MYCBP2: variants seen among roughly 807,000 people sequenced by gnomAD.
MYCBP2 encodes the protein MYC binding protein 2.
A neutral mutation model predicts 525.3 loss-of-function variants in MYCBP2; 120 were observed. The ratio of observed to expected loss-of-function variants is 0.23; its 90% CI spans 0.20 to 0.27. The LOEUF (loss-of-function observed/expected upper bound fraction) is 0.27, where lower values mean the gene tolerates loss of function less well. Among genes scored for constraint, MYCBP2 ranks in the 10% least tolerant of loss-of-function variants. MYCBP2 has a pLI of 1.00. For synonymous variants in MYCBP2, 1,894 were observed against 1,955.8 expected (o/e 0.97, Z 0.83); for missense variants, 4,149 against 5,657.1 (o/e 0.73, Z 8.55).
chr13:77,116,068 G>A (rs2049698565), intron 55 of MYCBP2, among the ~76,000 whole-genome samples: 2 of 151,704 alleles, frequency 1.3e-5, no homozygotes, highest in Non-Finnish European at 3.0e-5. Context: ...TGTTTCTGGG[G>A]CAAATCATTT....
intron 78 of MYCBP2, 42 bp from the exon 79 acceptor site, chr13:77,057,135 T>A (rs367907213): frequency 6.4e-5 from 88 of 1,368,592 alleles, no homozygotes; most frequent in East Asian, 4.6e-5. Context: ...AATATAATAA[T>A]GATAAACAGT....
At chr13:77,171,079 T>C (rs893941200) in intron 38 of MYCBP2, among the ~76,000 whole-genome samples, 4 of 152,024 alleles carry the variant, frequency 2.6e-5, no homozygotes, top group African/African-American at 7.3e-5. Context: ...GAGATTCCAA[T>C]GGAAAAACTC....
At chr13:77,211,725 C>G (rs2064037866) in intron 22 of MYCBP2, among the ~76,000 whole-genome samples, 1 of 152,198 alleles carries the variant, frequency 6.6e-6, no homozygotes, top group Admixed American at 6.5e-5. Context: ...GTTTATAGTT[C>G]TACCACTGTC....
intron 14 of MYCBP2, among the ~76,000 whole-genome samples, chr13:77,253,995 T>C (rs561156689): frequency 6.6e-6 from 1 of 151,876 alleles, no homozygotes; most frequent in Non-Finnish European, 1.5e-5. Flanking sequence ...AGCCCATCCA[T>C]CAACAGGAGA....
At chr13:77,297,688 T>C (rs1182058571) in intron 1 of MYCBP2, among the ~76,000 whole-genome samples, 1 of 152,174 alleles carries the variant, frequency 6.6e-6, no homozygotes, top group Non-Finnish European at 1.5e-5. Flanking sequence ...ATTTTGAAGA[T>C]GTGTAACTTC....
chr13:77,177,975 T>C lies in MYCBP2; in HGVS notation c.5134-21A>G, dbSNP rs768101323. 3.4e-6 allele frequency: 5 copies of C among 1,451,494 alleles called. No individual in the cohort carries two copies. The Admixed American group carries it at 6.7e-5, about 19-fold the overall frequency. The allele number at this position is 1,451,494 out of a possible 1,614,324, so 89.9% of individuals were successfully genotyped here. A position where few individuals can be genotyped will look rare whatever the true frequency, so the allele number is the denominator to read the frequency against. On this transcript the variant is annotated intron_variant, in intron 34 of 82. Coordinates refer to ENST00000544440, the MANE Select transcript of MYCBP2 (RefSeq NM_015057.5). ...TCAACCTGTGAACAATAAAAGCAAT[T>C]GTATCAGTAGTTGGTATACCTTTAA...
chr13:77,256,864 A>C (rs1399032722), intron 14 of MYCBP2, among the ~76,000 whole-genome samples: 1 of 152,156 alleles, frequency 6.6e-6, no homozygotes, highest in East Asian at 1.9e-4. Context: ...AATATGATCC[A>C]ACAATCCCAC....
At chr13:77,288,641 A>G (rs2077142166) in intron 2 of MYCBP2, among the ~76,000 whole-genome samples, 1 of 152,226 alleles carries the variant, frequency 6.6e-6, no homozygotes, top group South Asian at 2.1e-4. Context: ...TTGTATCGCC[A>G]TGACAGGAAT....
At chr13:77,160,133 C>G (rs2057723632) in intron 44 of MYCBP2, among the ~76,000 whole-genome samples, 1 of 146,908 alleles carries the variant, frequency 6.8e-6, no homozygotes, top group African/African-American at 2.5e-5. Flanking sequence ...ATGGCATGAT[C>G]TTGGCTCACC....
At position 77,214,097 on chromosome 13, in the gene MYCBP2, A is replaced by C. The variant is rs540706891; in HGVS notation, c.3058-1937T>G. On this transcript the variant is annotated intron_variant, in intron 21 of 82. Coordinates refer to ENST00000544440, the MANE Select transcript of MYCBP2 (RefSeq NM_015057.5). ...GGATCCGAACTTTGAGGATCAGAGC[A>C]CCAACTAAAGGCAAAGGAACTTGGA... Among the ~76,000 whole-genome samples, 3 of 152,336 alleles carry C rather than the reference A, an allele frequency of 2.0e-5. No homozygotes were observed. The South Asian group carries it at 6.2e-4, about 32-fold the overall frequency.
chr13:77,108,791 C>T (rs1228741287), intron 55 of MYCBP2, among the ~76,000 whole-genome samples: 1 of 151,862 alleles, frequency 6.6e-6, no homozygotes, highest in Non-Finnish European at 1.5e-5. Flanking sequence ...GCAAGCTCTG[C>T]CTCCCAGGTT....
intron 44 of MYCBP2, among the ~76,000 whole-genome samples, chr13:77,161,153 A>G (rs1001717404): frequency 6.6e-6 from 1 of 152,204 alleles, no homozygotes; most frequent in Non-Finnish European, 1.5e-5. Flanking sequence ...TAGGTATTAC[A>G]ATTTGACAAA....
chr13:77,313,303 AC>A (rs1248544164), intron 1 of MYCBP2, among the ~76,000 whole-genome samples: 1 of 152,062 alleles, frequency 6.6e-6, no homozygotes, highest in Non-Finnish European at 1.5e-5. Flanking sequence ...AGAAATTAGA[AC>A]AGCAAAGTAA....
At chr13:77,325,686 C>G (rs1249033754) in intron 1 of MYCBP2, among the ~76,000 whole-genome samples, 1 of 152,210 alleles carries the variant, frequency 6.6e-6, no homozygotes, top group Non-Finnish European at 1.5e-5. Context: ...AAAACCCTCT[C>G]TACTCTAAAG....
Position 77,185,305 on chromosome 13 carries a change from C to G in MYCBP2, c.4517G>C (p.Arg1506Thr), listed in dbSNP as rs1266851181. The G allele has an allele frequency of 1.2e-6, 2 of 1,613,882 alleles. No homozygotes were observed. The highest frequency in any genetic ancestry group is 4.5e-5 in the East Asian group (2 of 44,870). ...ECIGKTRTLL[R>T]KILSEGVDHC... ...ATCAACTCCTTCTGATAAAATTTTT[C>G]TTAACAAAGTTCTGGTTTTTCCAAT... The change falls in exon 32 of 83, where the codon AGA becomes ACA. Residue 1506 changes from arginine to threonine, a missense_variant. Around this residue, in one of 21 missense-constraint regions of MYCBP2, gnomAD observed 292 missense variants for 330.5 expected, o/e 0.88. Coordinates refer to ENST00000544440, the MANE Select transcript of MYCBP2 (RefSeq NM_015057.5).
At chr13:77,219,576 G>A (rs967692678) in intron 20 of MYCBP2, among the ~76,000 whole-genome samples, 1 of 152,074 alleles carries the variant, frequency 6.6e-6, no homozygotes, top group East Asian at 1.9e-4. Flanking sequence ...CTAAGGAAAA[G>A]ACAGCTAGGT....
At chr13:77,136,664 A>G (rs1381070757) in intron 52 of MYCBP2, among the ~76,000 whole-genome samples, 1 of 152,146 alleles carries the variant, frequency 6.6e-6, no homozygotes, top group Non-Finnish European at 1.5e-5. Flanking sequence ...TTCAAACAAT[A>G]TTTCAAATAT....
intron 20 of MYCBP2, among the ~76,000 whole-genome samples, chr13:77,223,008 T>G (rs2065804311): frequency 6.6e-6 from 1 of 152,186 alleles, no homozygotes; most frequent in Non-Finnish European, 1.5e-5. Context: ...AATTGCTGAG[T>G]GAAGTCTGGC....
intron 32 of MYCBP2, among the ~76,000 whole-genome samples, 162 bp from the exon 33 acceptor site, chr13:77,182,084 T>C (rs1232667590): frequency 1.3e-5 from 2 of 152,206 alleles, no homozygotes; most frequent in Non-Finnish European, 2.9e-5. Flanking sequence ...TACATCTATA[T>C]ATTTAAAAAA....
Sources: gnomAD v4.1 joint callset for allele counts (sites outside exome capture counted in the v4.1 genomes callset) on GRCh38, gnomAD v4.1.1 for gene constraint, gnomAD v4.1.1 regional missense constraint, MANE v1.5 for transcripts, NCBI Gene and HGNC (gene_info 2026-07-23, HGNC 2026-07-21) for gene names.